TCF12: variants seen among roughly 807,000 people sequenced by gnomAD.
The protein encoded by TCF12 is transcription factor 12, also known as DNA-binding protein HTF4.
TCF12 carries 45 observed loss-of-function variants against 86.0 expected under a neutral mutation model. The ratio of observed to expected loss-of-function variants is 0.52; its 90% CI spans 0.41 to 0.67. The LOEUF is 0.67. Ranked by LOEUF, TCF12 falls within the 30% of genes least tolerant of loss-of-function variation. The probability of loss-of-function intolerance (pLI) is 0.00; values close to 1 mark genes in which losing one functional copy is unlikely to be tolerated. For synonymous variants in TCF12, 330 were observed against 299.6 expected, an observed-to-expected ratio of 1.10 and a Z score of -1.05; for missense variants, 881 against 859.9, an observed-to-expected ratio of 1.02 and a Z score of -0.31.
chr15:57,138,012 G>A (rs2052678160), intron 5 of TCF12, among the ~76,000 whole-genome samples: 1 of 151,284 alleles, frequency 6.6e-6, no homozygotes. Flanking sequence ...CTGGCTGACA[G>A]AGTGAGACTC....
At chr15:56,927,059 T>G (rs2060046338) in intron 3 of TCF12, among the ~76,000 whole-genome samples, 1 of 152,022 alleles carries the variant, frequency 6.6e-6, no homozygotes, top group Admixed American at 6.6e-5. Flanking sequence ...AGTAAAGGAT[T>G]GTTAGAATTT....
At chr15:56,958,010 T>A (rs564438292) in intron 3 of TCF12, among the ~76,000 whole-genome samples, 2 of 152,306 alleles carry the variant, frequency 1.3e-5, no homozygotes, top group African/African-American at 4.8e-5. Context: ...ATGTTGAGAA[T>A]AGGCACTATT....
intron 3 of TCF12, among the ~76,000 whole-genome samples, chr15:57,036,231 A>G (rs1320017004): frequency 1.3e-5 from 2 of 152,048 alleles, no homozygotes; most frequent in African/African-American, 4.8e-5. Flanking sequence ...GACGGTAATG[A>G]AGGCATCTTG....
At position 56,919,730 on chromosome 15, in the gene TCF12, C is replaced by T. The variant is rs552987584; in HGVS notation, c.-22-162C>T. The stretch of plus-strand genomic sequence containing the variant: ...CGGGACCCGGCGCGGGCACTGAGCC[C>T]TCCCGCCCCTTGCTCGCGCCGCGGT... On this transcript the variant is annotated intron_variant, in intron 1 of 20. Coordinates refer to ENST00000333725, the MANE Select transcript of TCF12 (RefSeq NM_207037.2). 7.4e-4 allele frequency: 438 copies of T among 588,206 alleles called. 2 individuals carry two copies. Among genetic ancestry groups the T allele is most frequent in the Admixed American group, 1.9e-3 (60 of 31,932 alleles). 36.4% of individuals were successfully genotyped at this position (588,206 alleles called of 1,614,324 possible). A position where few individuals can be genotyped will look rare whatever the true frequency, so the allele number is the denominator to read the frequency against.
intron 5 of TCF12, among the ~76,000 whole-genome samples, chr15:57,147,472 GAAATATTTT>G (rs2053437050): frequency 6.6e-6 from 1 of 151,840 alleles, no homozygotes; most frequent in East Asian, 1.9e-4. Context: ...ATCTTTCATT[GAAATATTTT>G]AAAGCATTTT....
intron 19 of TCF12, among the ~76,000 whole-genome samples, chr15:57,277,194 G>A (rs557002815): frequency 3.3e-5 from 5 of 152,280 alleles, no homozygotes; most frequent in African/African-American, 4.8e-5. Context: ...TGGGCATGGT[G>A]TGTGCCTATA....
chr15:57,092,427 A>C (rs926856744), intron 5 of TCF12, among the ~76,000 whole-genome samples: 5 of 152,192 alleles, frequency 3.3e-5, no homozygotes, highest in African/African-American at 1.2e-4. Flanking sequence ...TTGCACTTTC[A>C]AGAAGGGTAT....
chr15:56,955,025 G>A (rs567860185), intron 3 of TCF12, among the ~76,000 whole-genome samples: 8 of 152,194 alleles, frequency 5.3e-5, no homozygotes, highest in Non-Finnish European at 7.4e-5. Context: ...TAGAAATACC[G>A]TATGACCCAG....
At chr15:57,214,190 T>C (rs1474095572) in intron 8 of TCF12, 3 of 152,190 alleles carry the variant, frequency 2.0e-5, no homozygotes, top group Admixed American at 1.3e-4. Context: ...TGCTTTGTCG[T>C]TGTGAGTTTG....
chr15:57,115,858 C>T (rs1383282323), intron 5 of TCF12, among the ~76,000 whole-genome samples: 2 of 151,716 alleles, frequency 1.3e-5, no homozygotes, highest in Non-Finnish European at 2.9e-5. Context: ...AGATGCTAGG[C>T]AATAGGAGAA....
intron 5 of TCF12, among the ~76,000 whole-genome samples, chr15:57,125,149 G>C (rs1205901473): frequency 1.3e-5 from 2 of 152,134 alleles, no homozygotes; most frequent in Admixed American, 1.3e-4. Flanking sequence ...TTCATGCCCA[G>C]GTTCAGCAGC....
chr15:56,991,880 A>T (rs886498969), intron 3 of TCF12, among the ~76,000 whole-genome samples: 4 of 152,142 alleles, frequency 2.6e-5, no homozygotes, highest in Non-Finnish European at 5.9e-5. Context: ...GGTATAGAAA[A>T]AGTAAGTTGG....
intron 14 of TCF12, among the ~76,000 whole-genome samples, chr15:57,252,000 G>A (rs907123843): frequency 2.0e-5 from 3 of 152,150 alleles, no homozygotes; most frequent in African/African-American, 7.2e-5. Context: ...AAGAATTTGT[G>A]GGAGAATGTT....
At chr15:57,005,827 C>A (rs1251529715) in intron 3 of TCF12, among the ~76,000 whole-genome samples, 3 of 152,168 alleles carry the variant, frequency 2.0e-5, no homozygotes, top group African/African-American at 7.2e-5. Flanking sequence ...GCCTTAGCCT[C>A]CCAAAGTGCT....
intron 5 of TCF12, among the ~76,000 whole-genome samples, chr15:57,152,789 T>C (rs1661868162): frequency 6.6e-6 from 1 of 152,010 alleles, no homozygotes. Context: ...TGGCCAAGAA[T>C]TTCCCAAAAG....
chr15:57,262,313 G>A (rs2060625876), intron 17 of TCF12, 105 bp downstream of exon 17: 2 of 860,520 alleles, frequency 2.3e-6, no homozygotes, highest in Admixed American at 2.6e-5. Flanking sequence ...AAAAGTCATT[G>A]AGGTGAGGGA....
Position 57,287,141 on chromosome 15 carries a change from T to TA in TCF12, c.*997dup, listed in dbSNP as rs1365872257. 1 of 158,036 alleles carries TA rather than the reference T, an allele frequency of 6.3e-6. No individual in the cohort carries two copies. The highest frequency in any genetic ancestry group is 1.4e-5 in the Non-Finnish European group (1 of 70,956). 9.8% of individuals were successfully genotyped at this position (158,036 alleles called of 1,614,324 possible). A position where few individuals can be genotyped will look rare whatever the true frequency, so the allele number is the denominator to read the frequency against. On this transcript the variant is annotated 3_prime_UTR_variant, in exon 21 of 21. Transcript: ENST00000333725. ...TGTTTTCCAAGCAGTAAGTACTACA[T>TA]ACAGTACTTGTAAAGTGTTAGCTGT...
intron 3 of TCF12, among the ~76,000 whole-genome samples, chr15:57,013,291 CA>C (rs2064948965): frequency 1.3e-5 from 2 of 152,118 alleles, no homozygotes; most frequent in South Asian, 4.1e-4. Flanking sequence ...ATGAGCTTGA[CA>C]AGCAGGTATT....
At chr15:57,045,985 G>A (rs1345927481) in intron 3 of TCF12, among the ~76,000 whole-genome samples, 2 of 152,232 alleles carry the variant, frequency 1.3e-5, no homozygotes, top group Non-Finnish European at 2.9e-5. Context: ...AGCAGCAGAT[G>A]ACTGCCTTCC....
Sources: allele counts gnomAD v4.1 joint callset (sites outside exome capture counted in the v4.1 genomes callset), GRCh38; gene constraint gnomAD v4.1.1; transcripts MANE v1.5; gene names NCBI Gene and HGNC (gene_info 2026-07-23, HGNC 2026-07-21).